Variants in SYT17 observed in about 807,000 individuals in gnomAD.
SYT17 encodes the protein synaptotagmin-17.
In SYT17, 22 loss-of-function variants were observed where a neutral mutation model predicts 46.7. The ratio of observed to expected loss-of-function variants is 0.47; its 90% CI spans 0.34 to 0.67. The LOEUF (loss-of-function observed/expected upper bound fraction) is 0.67. Among genes scored for constraint, SYT17 ranks in the 30% least tolerant of loss-of-function variants. The probability of loss-of-function intolerance (pLI) is 0.01; values close to 1 mark genes in which losing one functional copy is unlikely to be tolerated. For synonymous variants in SYT17, 251 were observed against 248.4 expected, an observed-to-expected ratio of 1.01 and a Z score of -0.10; for missense variants, 519 against 612.8, an observed-to-expected ratio of 0.85 and a Z score of 1.62.
rs1003557963 is a variant in SYT17, at chr16:19,247,471, C to T, written c.1229-19409C>T. Among the ~76,000 whole-genome samples the T allele has an allele frequency of 2.0e-5, 3 of 152,208 alleles. No individual in the cohort carries two copies. The South Asian group carries it at 6.2e-4, about 31-fold the overall frequency. On this transcript the variant is annotated intron_variant, in intron 7 of 7. Coordinates refer to ENST00000355377, the MANE Select transcript of SYT17 (RefSeq NM_016524.4). ...TGACACATCCTTGCCCCAAGCAACC[C>T]TCCTGTCCCGGCCTCCCAAGGTGCT...
intron 4 of SYT17, among the ~76,000 whole-genome samples, chr16:19,182,869 T>A (rs949134256): frequency 6.6e-6 from 1 of 152,186 alleles, no homozygotes; most frequent in Non-Finnish European, 1.5e-5. Context: ...TTCTGTGCCA[T>A]GCTCTTTTCA....
At chr16:19,229,383 C>T (rs980422891) in intron 7 of SYT17, among the ~76,000 whole-genome samples, 1 of 152,012 alleles carries the variant, frequency 6.6e-6, no homozygotes, top group African/African-American at 2.4e-5. Flanking sequence ...AGGGATCGTG[C>T]ACCTGACATG....
At position 19,208,884 on chromosome 16, in the gene SYT17, C is replaced by CTTTTTTTTTTTTTT. The variant is rs1191498524; in HGVS notation, c.952-14148_952-14135dup. Among the ~76,000 whole-genome samples the CTTTTTTTTTTTTTT allele has an allele frequency of 4.6e-3, 293 of 63,314 alleles. 73 individuals are homozygous for CTTTTTTTTTTTTTT. The highest frequency in any genetic ancestry group is 0.013 in the African/African-American group (178 of 14,200). The allele number at this position is 63,314 out of a possible 152,430, so 41.5% of individuals were successfully genotyped here. A position where few individuals can be genotyped will look rare whatever the true frequency, so the allele number is the denominator to read the frequency against. On this transcript the variant is annotated intron_variant, in intron 5 of 7. Coordinates refer to ENST00000355377, the MANE Select transcript of SYT17 (RefSeq NM_016524.4). ...ATTTAATCACTTCTACAAGGACCTT[C>CTTTTTTTTTTTTTT]TTTTTTTTTTTTTTTTTTTTTTTTT... is the stretch of plus-strand genomic sequence containing the variant.
At position 19,173,567 on chromosome 16, in the gene SYT17, C is replaced by G. The variant is rs892791466; in HGVS notation, c.171C>G (p.Thr57=). 3.7e-6 allele frequency: 6 copies of G among 1,613,404 alleles called. No individual in the cohort carries two copies. In the African/African-American group the frequency reaches 5.3e-5, roughly 14 times the overall value. The change falls in exon 3 of 8, where the codon ACC becomes ACG. Residue 57 remains threonine, a synonymous_variant. Transcript: ENST00000355377. ...TTCTGGGACCTTTCCCTGCTCAGAC[C>G]CCTCCCTGGCTGTAAGTAAAACTGC... The part of the protein sequence containing the change: ...VEILGPFPAQ[T]PPWLMASRSS...
At chr16:19,234,106 G>T (rs1229181001) in intron 7 of SYT17, among the ~76,000 whole-genome samples, 1 of 152,118 alleles carries the variant, frequency 6.6e-6, no homozygotes, top group African/African-American at 2.4e-5. Flanking sequence ...CAGGAGGATT[G>T]CTTGAGGCCA....
chr16:19,253,556 A>T (rs1968344003), intron 7 of SYT17, among the ~76,000 whole-genome samples: 1 of 152,028 alleles, frequency 6.6e-6, no homozygotes, highest in African/African-American at 2.4e-5. Context: ...GAAACTCTAG[A>T]TTGAGCCTGG....
At chr16:19,191,790 G>GT (rs1037901504) in intron 5 of SYT17, among the ~76,000 whole-genome samples, 6 of 151,740 alleles carry the variant, frequency 4.0e-5, no homozygotes, top group South Asian at 2.1e-4. Context: ...GTTTTGTTTT[G>GT]TTTTTTTGTT....
intron 2 of SYT17, 161 bp downstream of exon 2, chr16:19,172,938 C>A (rs527558227): frequency 2.2e-6 from 2 of 905,858 alleles, no homozygotes; most frequent in East Asian, 2.7e-5. Flanking sequence ...AAGGAGATCC[C>A]GGTTTTGAAA....
intron 7 of SYT17, among the ~76,000 whole-genome samples, chr16:19,249,269 G>A (rs1372447579): frequency 2.0e-4 from 14 of 68,678 alleles, no homozygotes; most frequent in South Asian, 6.3e-4. Context: ...GCGAGACGCC[G>A]TCTCAAAAAT....
chr16:19,259,089 A>G (rs764873259), intron 7 of SYT17, among the ~76,000 whole-genome samples: 1 of 152,176 alleles, frequency 6.6e-6, no homozygotes, highest in African/African-American at 2.4e-5. Context: ...GGGTGTGTCC[A>G]TGCATTGTCT....
rs368956519 is a variant in SYT17 at position 19,260,540 on chromosome 16, A to G, written c.1229-6340A>G. Among the ~76,000 whole-genome samples the G allele has an allele frequency of 2.0e-3, 295 of 150,646 alleles. 2 individuals carry two copies. The highest frequency in any genetic ancestry group is 5.3e-3 in the African/African-American group (218 of 41,106). On this transcript the variant is annotated intron_variant, in intron 7 of 7. Transcript: ENST00000355377. ...AAAAAAAAAAAAAAGGAAAGAAAAA[A>G]AAAAGAATTCGTTCTATCAGTCTTA...
At chr16:19,209,597 G>A (rs1363173299) in intron 5 of SYT17, among the ~76,000 whole-genome samples, 2 of 152,110 alleles carry the variant, frequency 1.3e-5, no homozygotes, top group African/African-American at 2.4e-5. Flanking sequence ...TCGGCTGGGC[G>A]CGGTGGCTCA....
intron 5 of SYT17, among the ~76,000 whole-genome samples, chr16:19,198,971 T>G (rs1304643277): frequency 6.6e-6 from 1 of 152,184 alleles, no homozygotes; most frequent in Non-Finnish European, 1.5e-5. Context: ...GGCTATGAGC[T>G]CTGAGTGGTC....
intron 3 of SYT17, among the ~76,000 whole-genome samples, chr16:19,178,922 T>C (rs887583806): frequency 2.6e-5 from 4 of 151,892 alleles, no homozygotes; most frequent in African/African-American, 9.7e-5. Context: ...AAGCTGGGCA[T>C]GGAGGCATGC....
intron 7 of SYT17, among the ~76,000 whole-genome samples, chr16:19,227,178 C>T (rs1384836127): frequency 6.6e-6 from 1 of 152,182 alleles, no homozygotes. Flanking sequence ...ATAGTAAGCA[C>T]TCTAGAACTG....
intron 7 of SYT17, chr16:19,249,867 C>A: frequency 6.8e-7 from 1 of 1,478,206 alleles, no homozygotes; most frequent in Non-Finnish European, 9.0e-7. Context: ...GGGCTCCATA[C>A]TTTCATCCAG....
intron 7 of SYT17, among the ~76,000 whole-genome samples, chr16:19,234,603 A>G (rs1419791382): frequency 6.6e-6 from 1 of 152,256 alleles, no homozygotes; most frequent in Non-Finnish European, 1.5e-5. Flanking sequence ...ATAGAAGAGC[A>G]GGACCTGGAA....
At chr16:19,246,358 A>G (rs1015257758) in intron 7 of SYT17, among the ~76,000 whole-genome samples, 1 of 151,772 alleles carries the variant, frequency 6.6e-6, no homozygotes, top group Non-Finnish European at 1.5e-5. Flanking sequence ...ATTAATAATG[A>G]ATATTAATAA....
At chr16:19,205,355 C>T (rs1427825743) in intron 5 of SYT17, among the ~76,000 whole-genome samples, 1 of 152,118 alleles carries the variant, frequency 6.6e-6, no homozygotes, top group Non-Finnish European at 1.5e-5. Flanking sequence ...CCATGTCTCT[C>T]CTTGGAATGC....
Sources: allele counts gnomAD v4.1 joint callset (sites outside exome capture counted in the v4.1 genomes callset), GRCh38; gene constraint gnomAD v4.1.1; transcripts MANE v1.5; gene names NCBI Gene and HGNC (gene_info 2026-07-23, HGNC 2026-07-21).